Variants in FBN1 observed in about 807,000 individuals in gnomAD.
The protein encoded by FBN1 is fibrillin 1.
Under a neutral mutation model 365.1 loss-of-function variants are expected in FBN1, and 29 were observed. That is an observed-to-expected ratio of 0.08 (90% confidence interval 0.06 to 0.11). The LOEUF is 0.11. FBN1 is among the 10% of genes least tolerant of loss of function. FBN1 has a pLI of 1.00. For synonymous variants in FBN1, 1,210 were observed against 1,270.5 expected, an observed-to-expected ratio of 0.95 and a Z score of 1.01; for missense variants, 2,476 against 3,703.2, an observed-to-expected ratio of 0.67 and a Z score of 8.60.
intron 34 of FBN1, among the ~76,000 whole-genome samples, 161 bp downstream of exon 34, chr15:48,474,094 C>A (rs555099112): frequency 2.6e-5 from 4 of 152,104 alleles, no homozygotes; most frequent in Admixed American, 1.3e-4. Context: ...CCCTAATTGA[C>A]CTGGTTCCAA....
intron 2 of FBN1, among the ~76,000 whole-genome samples, chr15:48,624,793 T>C (rs915621860): frequency 2.0e-5 from 3 of 152,192 alleles, no homozygotes; most frequent in Admixed American, 6.5e-5. Context: ...ATAGAAATGA[T>C]TGAAAACACA....
At chr15:48,479,277 A>G (rs555888136) in intron 32 of FBN1, among the ~76,000 whole-genome samples, 2 of 152,290 alleles carry the variant, frequency 1.3e-5, no homozygotes, top group African/African-American at 4.8e-5. Flanking sequence ...AGTATACCAA[A>G]CTTACTGTTT....
chr15:48,530,708 G>T (rs1436352454), intron 8 of FBN1, among the ~76,000 whole-genome samples: 4 of 152,160 alleles, frequency 2.6e-5, no homozygotes, highest in Admixed American at 2.0e-4. Context: ...CTCCTGAGAG[G>T]ATAAGAGCCC....
chr15:48,427,700 G>C lies in FBN1; in HGVS notation c.7071C>G (p.Pro2357=). ...MCQIGSSNRN[P]VTKSECCCDG... is the part of the protein sequence containing the mutation. ...CACAGCAGCATTCCGATTTGGTGAC[G>C]GGGTTCCTGTTGCTGGAGCCGATCT... The change falls in exon 58 of 66, where the codon CCC becomes CCG. Residue 2357 remains proline (P), a synonymous_variant. Transcript: ENST00000316623. The C allele has an allele frequency of 6.2e-7, 1 of 1,614,114 alleles. No homozygotes were observed. The highest frequency in any genetic ancestry group is 1.1e-5 in the South Asian group (1 of 91,078).
At chr15:48,435,810 G>GTATA (rs1164312097) in intron 53 of FBN1, among the ~76,000 whole-genome samples, 36 of 134,224 alleles carry the variant, frequency 2.7e-4, no homozygotes, top group South Asian at 2.2e-3. Flanking sequence ...GTGTGTGTGT[G>GTATA]TATATATGCC....
chr15:48,507,633 C>T (rs1046256649), intron 15 of FBN1, among the ~76,000 whole-genome samples: 3 of 152,154 alleles, frequency 2.0e-5, no homozygotes, highest in Non-Finnish European at 4.4e-5. Context: ...TTCCATAACA[C>T]GTTTACCAAA....
At chr15:48,584,360 G>C (rs2044419904) in intron 6 of FBN1, among the ~76,000 whole-genome samples, 1 of 152,076 alleles carries the variant, frequency 6.6e-6, no homozygotes, top group African/African-American at 2.4e-5. Context: ...GGAATGGCTA[G>C]GCAATTAGAA....
chr15:48,562,138 G>C (rs1360502244), intron 6 of FBN1, among the ~76,000 whole-genome samples: 1 of 152,096 alleles, frequency 6.6e-6, no homozygotes, highest in Admixed American at 6.6e-5. Flanking sequence ...AATTAGCTCT[G>C]TGACCCCTGG....
At chr15:48,585,770 G>C (rs964925216) in intron 6 of FBN1, among the ~76,000 whole-genome samples, 1 of 152,108 alleles carries the variant, frequency 6.6e-6, no homozygotes, top group Non-Finnish European at 1.5e-5. Flanking sequence ...AAGCAGATTA[G>C]CCAATTGTGT....
intron 60 of FBN1, among the ~76,000 whole-genome samples, 154 bp from the exon 61 acceptor site, chr15:48,422,222 G>C (rs942698717): frequency 6.6e-6 from 1 of 152,126 alleles, no homozygotes; most frequent in African/African-American, 2.4e-5. Context: ...GACACAGGGG[G>C]TAAAGATCTG....
chr15:48,506,520 G>A (rs1256750636), intron 15 of FBN1, among the ~76,000 whole-genome samples: 1 of 152,220 alleles, frequency 6.6e-6, no homozygotes, highest in Non-Finnish European at 1.5e-5. Flanking sequence ...GCAAAACGTG[G>A]AGACTACAAC....
At chr15:48,492,333 A>G in intron 24 of FBN1, 128 bp downstream of exon 24, 3 of 872,466 alleles carry the variant, frequency 3.4e-6, no homozygotes, top group East Asian at 5.3e-5. Context: ...CATGGACCCT[A>G]TCGGACATGC....
At chr15:48,497,722 C>T (rs1027585695) in intron 18 of FBN1, among the ~76,000 whole-genome samples, 13 of 152,122 alleles carry the variant, frequency 8.5e-5, no homozygotes, top group East Asian at 1.9e-4. Flanking sequence ...TCCCAAGTCC[C>T]GACAACTGGT....
intron 36 of FBN1, 137 bp downstream of exon 36, chr15:48,470,496 AG>A: frequency 8.6e-7 from 1 of 1,159,336 alleles, no homozygotes; most frequent in Non-Finnish European, 1.3e-6. Context: ...GTCTGAGAAA[AG>A]GTATCTGTGA....
intron 50 of FBN1, among the ~76,000 whole-genome samples, chr15:48,440,333 T>C (rs1002009449): frequency 6.6e-6 from 1 of 152,196 alleles, no homozygotes; most frequent in African/African-American, 2.4e-5. Context: ...CAGCGTTAGC[T>C]TGCTCTGTGA....
chr15:48,632,481 G>A (rs902184138), intron 2 of FBN1, among the ~76,000 whole-genome samples: 7 of 152,116 alleles, frequency 4.6e-5, no homozygotes, highest in Admixed American at 1.3e-4. Flanking sequence ...TAATTTAATC[G>A]CATTTACAAG....
rs1158441291 is a variant in FBN1, at chr15:48,644,649, G to T, written c.121C>A (p.Arg41=). The change falls in exon 2 of 66, where the codon CGG becomes AGG. Residue 41 remains arginine (R), a synonymous_variant. Coordinates refer to ENST00000316623, the MANE Select transcript of FBN1 (RefSeq NM_000138.5). ...AGNVKETRAS[R]AKRRGGGGHD... is the part of the protein sequence containing the mutation. Reference sequence around the variant, plus strand: ...CCTCCACCGCCTCTTCTCTTGGCCCGACTGGCTCTGGTTTCCTTCACGTTC... The same window carrying T: ...CCTCCACCGCCTCTTCTCTTGGCCCTACTGGCTCTGGTTTCCTTCACGTTC... 2 of 1,613,718 alleles carry T rather than the reference G, an allele frequency of 1.2e-6. No homozygotes were observed. The highest frequency in any genetic ancestry group is 1.7e-5 in the Admixed American group (1 of 60,016).
At chr15:48,533,458 G>C (rs1345170707) in intron 8 of FBN1, among the ~76,000 whole-genome samples, 1 of 152,194 alleles carries the variant, frequency 6.6e-6, no homozygotes, top group African/African-American at 2.4e-5. Flanking sequence ...AGTAGCAGTA[G>C]TGGTGACTAT....
intron 6 of FBN1, among the ~76,000 whole-genome samples, chr15:48,568,964 T>C (rs1486437708): frequency 2.6e-5 from 4 of 151,928 alleles, no homozygotes; most frequent in Non-Finnish European, 5.9e-5. Flanking sequence ...AGAAGCACAA[T>C]TCATAAAAGA....
Sources: allele counts gnomAD v4.1 joint callset (sites outside exome capture counted in the v4.1 genomes callset), GRCh38; gene constraint gnomAD v4.1.1; transcripts MANE v1.5; gene names NCBI Gene and HGNC (gene_info 2026-07-23, HGNC 2026-07-21).